ANKFY1: variants seen among roughly 807,000 people sequenced by gnomAD.
The protein encoded by ANKFY1 is ankyrin repeat and FYVE domain-containing protein 1.
In ANKFY1, 47 loss-of-function variants were observed where a neutral mutation model predicts 128.3. The observed-to-expected ratio is 0.37, with a 90% CI of 0.29 to 0.47. The LOEUF (loss-of-function observed/expected upper bound fraction) is 0.47, where lower values mean the gene tolerates loss of function less well. Ranked by LOEUF, ANKFY1 falls within the 20% of genes least tolerant of loss-of-function variation. The pLI, the probability that ANKFY1 is intolerant of heterozygous loss-of-function variation, is 1.00. For synonymous variants in ANKFY1, 553 were observed against 601.6 expected, an observed-to-expected ratio of 0.92 and a Z score of 1.18; for missense variants, 1,222 against 1,510.6, an observed-to-expected ratio of 0.81 and a Z score of 3.17.
At chr17:4,172,135 C>T (rs745324216) in intron 22 of ANKFY1, among the ~76,000 whole-genome samples, 2 of 152,122 alleles carry the variant, frequency 1.3e-5, no homozygotes, top group African/African-American at 4.8e-5. Flanking sequence ...GAAGGCACCC[C>T]GTGTATCTGG....
chr17:4,173,874 A>T, intron 20 of ANKFY1, 35 bp downstream of exon 20: 1 of 1,595,018 alleles, frequency 6.3e-7, no homozygotes, highest in Non-Finnish European at 8.6e-7. Flanking sequence ...GAATGGAGGG[A>T]TCGTTCAAGC....
intron 4 of ANKFY1, among the ~76,000 whole-genome samples, chr17:4,214,391 A>G (rs1003133741): frequency 9.2e-5 from 14 of 152,214 alleles, no homozygotes; most frequent in African/African-American, 3.4e-4. Flanking sequence ...TTAGAAATTA[A>G]GATTCTCGGT....
At chr17:4,261,757 A>G (rs78401807) in intron 1 of ANKFY1, among the ~76,000 whole-genome samples, 12 of 152,128 alleles carry the variant, frequency 7.9e-5, no homozygotes, top group African/African-American at 2.9e-4. Flanking sequence ...CACAATCTCA[A>G]CCTTGCTAAT....
intron 11 of ANKFY1, 136 bp downstream of exon 11, chr17:4,189,246 C>G: frequency 4.6e-6 from 3 of 658,598 alleles, no homozygotes; most frequent in Non-Finnish European, 7.7e-6. Flanking sequence ...TTCACTCTGG[C>G]TTTTTAACCA....
chr17:4,177,036 C>A, intron 19 of ANKFY1, 90 bp downstream of exon 19: 1 of 1,322,908 alleles, frequency 7.6e-7, no homozygotes, highest in Non-Finnish European at 1.0e-6. Flanking sequence ...TTCACAACAC[C>A]GGGCAAAGCA....
intron 1 of ANKFY1, among the ~76,000 whole-genome samples, chr17:4,252,487 T>C (rs1202606640): frequency 6.6e-6 from 1 of 152,086 alleles, no homozygotes; most frequent in Non-Finnish European, 1.5e-5. Flanking sequence ...AAGGACTGCT[T>C]GAGCCCAGGA....
In ANKFY1 at chr17:4,226,604, G is replaced by A. The variant is rs555604462; in HGVS notation, c.322+9168C>T. Among the ~76,000 whole-genome samples the A allele has an allele frequency of 4.0e-5, 6 of 151,876 alleles. No individual in the cohort carries two copies. The South Asian group carries it at 8.3e-4, about 21-fold the overall frequency. On this transcript the variant is annotated intron_variant, in intron 3 of 24. Transcript: ENST00000341657. ...AGAAATCAATAAAATATAGCTGGGC[G>A]TGGTGGCGCATGCCTGCAATCCCAG...
chr17:4,170,394 G>A (rs976936281), intron 23 of ANKFY1, among the ~76,000 whole-genome samples: 1 of 152,190 alleles, frequency 6.6e-6, no homozygotes, highest in Non-Finnish European at 1.5e-5. Flanking sequence ...ATCTGAGTCA[G>A]TCTCAAGAGG....
Position 4,169,257 on chromosome 17 carries a change from G to A in ANKFY1, c.3318C>T (p.Asp1106=), listed in dbSNP as rs930507342. 10 of 1,551,706 alleles carry A rather than the reference G, an allele frequency of 6.4e-6. No individual in the cohort carries two copies. In the African/African-American group the frequency reaches 6.8e-5, roughly 11 times the overall value. Residue 1106 remains aspartate (D), a synonymous_variant, in exon 24 of 25, where the codon GAC becomes GAT. Transcript: ENST00000341657. The surrounding 1 kb of genome is among the most constrained non-coding windows in gnomAD (Gnocchi z 5.0). ...DMLSKEPPWC[D]GSYCYECTAR... ...CAGTGCACTCATAGCAGTAGGAGCC[G>A]TCACACCACGGAGGCTCCTTGGACA... is the stretch of plus-strand genomic sequence containing the variant.
intron 10 of ANKFY1, among the ~76,000 whole-genome samples, chr17:4,190,197 T>G (rs1432118582): frequency 6.6e-6 from 1 of 152,164 alleles, no homozygotes; most frequent in African/African-American, 2.4e-5. Context: ...TCCCAGCACT[T>G]TTGGAGGCCG....
At chr17:4,245,761 A>C (rs12950418) in intron 1 of ANKFY1, among the ~76,000 whole-genome samples, 91,678 of 140,314 alleles carry the variant, frequency 0.65, 30,965 homozygotes, top group East Asian at 0.76. Context: ...AAAAAAAAAA[A>C]CAACCAGCCA....
In ANKFY1 at chr17:4,218,789, G is replaced by A. The variant is rs570619865; in HGVS notation, c.323-1671C>T. ...GCTACTCAAGGGGCCAATGTGGGAA[G>A]AGAAATTGAGCCGGGAGGTTGAGGC... On this transcript the variant is annotated intron_variant, in intron 3 of 24. Coordinates refer to ENST00000341657, the MANE Select transcript of ANKFY1 (RefSeq NM_001330063.2). Among the ~76,000 whole-genome samples, 5 of 152,270 alleles carry A rather than the reference G, an allele frequency of 3.3e-5. No individual in the cohort carries two copies. In the South Asian group the frequency reaches 8.3e-4, roughly 25 times the overall value.
intron 1 of ANKFY1, among the ~76,000 whole-genome samples, chr17:4,250,420 CAT>C (rs1292370514): frequency 6.6e-6 from 1 of 152,182 alleles, no homozygotes; most frequent in Non-Finnish European, 1.5e-5. Flanking sequence ...GTATACCAAA[CAT>C]ACAAAATATT....
chr17:4,224,423 T>A (rs1437893953), intron 3 of ANKFY1, among the ~76,000 whole-genome samples: 1 of 151,810 alleles, frequency 6.6e-6, no homozygotes, highest in Non-Finnish European at 1.5e-5. Context: ...GGGGTTTCAC[T>A]GCGTTAGCCA....
At position 4,167,772 on chromosome 17, in the gene ANKFY1, G is replaced by T; in HGVS notation, c.*7C>A. The T allele has an allele frequency of 1.2e-6, 2 of 1,611,966 alleles. No individual in the cohort carries two copies. Among genetic ancestry groups the T allele is most frequent in the Non-Finnish European group, 1.7e-6 (2 of 1,178,696 alleles). ...AAGGACGTGGCCTGGACCCTCCGGG[G>T]GGCTCACTAAGAAACCCCACCCAGA... On this transcript the variant is annotated 3_prime_UTR_variant, in exon 25 of 25. Coordinates refer to ENST00000341657, the MANE Select transcript of ANKFY1 (RefSeq NM_001330063.2). This position sits in a 1 kb window ranked among gnomAD's most constrained non-coding sequence, Gnocchi z 4.1.
Position 4,167,606 on chromosome 17 carries a change from A to G in ANKFY1, c.*173T>C. ...TCACAGTCTGACACACACACTGACA[A>G]TCATATGGAATCATTTGAAATGGGA... is the stretch of plus-strand genomic sequence containing the variant. On this transcript the variant is annotated 3_prime_UTR_variant, in exon 25 of 25. Coordinates refer to ENST00000341657, the MANE Select transcript of ANKFY1 (RefSeq NM_001330063.2). The surrounding 1 kb of genome is among the most constrained non-coding windows in gnomAD (Gnocchi z 4.1). 1.7e-6 allele frequency: 1 copy of G among 587,844 alleles called. No homozygotes were observed. The highest frequency in any genetic ancestry group is 3.3e-5 in the Admixed American group (1 of 30,408). The allele number at this position is 587,844 out of a possible 1,614,324, so 36.4% of individuals were successfully genotyped here. A position where few individuals can be genotyped will look rare whatever the true frequency, so the allele number is the denominator to read the frequency against.
At chr17:4,263,327 A>T (rs1006311569) in intron 1 of ANKFY1, among the ~76,000 whole-genome samples, 1 of 152,110 alleles carries the variant, frequency 6.6e-6, no homozygotes, top group Non-Finnish European at 1.5e-5. Flanking sequence ...GAGCAGTGTG[A>T]CCTTGGCCAA....
rs371876798 is a variant in ANKFY1 at position 4,179,369 on chromosome 17, C to G, written c.2398-312G>C. On this transcript the variant is annotated intron_variant, in intron 17 of 24. Transcript: ENST00000341657. The stretch of plus-strand genomic sequence containing the variant: ...CCTTATATATAAATCTGCACAGGCT[C>G]GAATGTTGAAAAGCATCAAAGGGCG... 2.6e-4 allele frequency: 132 copies of G among 515,958 alleles called. 1 individual carries two copies. In the South Asian group the frequency reaches 2.9e-3, roughly 11 times the overall value. The allele number at this position is 515,958 out of a possible 1,614,324, so 32.0% of individuals were successfully genotyped here.
chr17:4,217,994 T>G (rs2060249196), intron 3 of ANKFY1, among the ~76,000 whole-genome samples: 1 of 152,188 alleles, frequency 6.6e-6, no homozygotes. Flanking sequence ...TGAGTTAACA[T>G]TCTTTATGAT....
Sources: gnomAD v4.1 joint callset for allele counts (sites outside exome capture counted in the v4.1 genomes callset) on GRCh38, gnomAD v4.1.1 for gene constraint, Gnocchi (gnomAD v3.1) non-coding constraint, MANE v1.5 for transcripts, NCBI Gene and HGNC (gene_info 2026-07-23, HGNC 2026-07-21) for gene names.